Variants in UCHL5 observed in about 807,000 individuals in gnomAD.
UCHL5 encodes ubiquitin C-terminal hydrolase L5, also known as ubiquitin carboxyl-terminal hydrolase isozyme L5.
Under a neutral mutation model 53.8 loss-of-function variants are expected in UCHL5, and 34 were observed. The ratio of observed to expected loss-of-function variants is 0.63; its 90% confidence interval spans 0.48 to 0.84. The LOEUF (loss-of-function observed/expected upper bound fraction) is 0.84, where lower values mean the gene tolerates loss of function less well. Ranked by LOEUF, UCHL5 falls within the 40% of genes least tolerant of loss-of-function variation. The pLI is 0.00. For missense variants in UCHL5, 290 were observed against 385.6 expected, an observed-to-expected ratio of 0.75 and a Z score of 2.08; for synonymous variants, 111 against 126.3, an observed-to-expected ratio of 0.88 and a Z score of 0.81.
chr1:193,056,750 A>G (rs1670740133), intron 1 of UCHL5, among the ~76,000 whole-genome samples: 2 of 152,242 alleles, frequency 1.3e-5, no homozygotes, highest in Admixed American at 6.5e-5. Flanking sequence ...CATTTTTGAA[A>G]GAATCAACAG....
chr1:193,027,846 G>T (rs772310813), intron 7 of UCHL5: 1 of 1,356,624 alleles, frequency 7.4e-7, no homozygotes, highest in Admixed American at 2.2e-5. Flanking sequence ...TGTTTGGCTG[G>T]GCACAGTGGC....
chr1:193,019,769 C>A (rs1656226890), intron 10 of UCHL5: 2 of 716,194 alleles, frequency 2.8e-6, no homozygotes, highest in Non-Finnish European at 3.4e-6. Flanking sequence ...AACAGTGGTT[C>A]TTTTACTTAC....
At chr1:193,042,982 T>C (rs576866446) in intron 3 of UCHL5, among the ~76,000 whole-genome samples, 1 of 151,924 alleles carries the variant, frequency 6.6e-6, no homozygotes, top group South Asian at 2.1e-4. Context: ...GCAAATTCTA[T>C]AAAAGGGAAA....
intron 3 of UCHL5, among the ~76,000 whole-genome samples, chr1:193,040,877 A>C (rs1013990522): frequency 8.5e-5 from 13 of 152,218 alleles, no homozygotes; most frequent in Non-Finnish European, 1.8e-4. Context: ...GTTAAATGAA[A>C]TAAGCCAAGC....
chr1:193,057,269 A>AT lies in UCHL5; in HGVS notation c.76+1915dup, dbSNP rs926358180. 6.8e-4 allele frequency: 106 copies of AT among 155,252 alleles called. 1 individual carries two copies. The highest frequency in any genetic ancestry group is 4.1e-3 in the South Asian group (21 of 5,176). 9.6% of individuals were successfully genotyped at this position (155,252 alleles called of 1,614,324 possible). A position where few individuals can be genotyped will look rare whatever the true frequency, so the allele number is the denominator to read the frequency against. Reference sequence around the variant, plus strand: ...CAACTTTTAGTAAGCAGTCCTTTTGATTTTTTTTCTCTTATGTAGGAGTAA... The same window carrying AT: ...CAACTTTTAGTAAGCAGTCCTTTTGATTTTTTTTTCTCTTATGTAGGAGTAA... On this transcript the variant is annotated intron_variant, in intron 1 of 10. Coordinates refer to ENST00000367454, the MANE Select transcript of UCHL5 (RefSeq NM_001199261.3).
intron 6 of UCHL5, among the ~76,000 whole-genome samples, chr1:193,028,567 TAAG>T (rs1311151401): frequency 6.6e-6 from 1 of 152,076 alleles, no homozygotes; most frequent in Non-Finnish European, 1.5e-5. Context: ...GAAGTCAAAA[TAAG>T]GAGTTAAAAT....
chr1:193,016,527 TTA>T (rs1654949863), intron 10 of UCHL5, 132 bp from the exon 11 acceptor site: 3 of 747,640 alleles, frequency 4.0e-6, no homozygotes, highest in South Asian at 4.7e-5. Flanking sequence ...TTCTAAAGCA[TTA>T]TGTTTTATAA....
At position 193,034,695 on chromosome 1, in the gene UCHL5, C is replaced by G. The variant is rs187159530; in HGVS notation, c.247-5038G>C. 3.4e-4 allele frequency among the ~76,000 whole-genome samples: 51 copies of G among 152,016 alleles called. 1 individual carries two copies. In the East Asian group the frequency reaches 8.1e-3, roughly 24 times the overall value. ...AAAAATTTAAATGCAAAAACCTAAA[C>G]AAAATACTACTATATTTAACCCAAT... On this transcript the variant is annotated intron_variant, in intron 3 of 10. Coordinates refer to ENST00000367454, the MANE Select transcript of UCHL5 (RefSeq NM_001199261.3).
intron 3 of UCHL5, 86 bp from the exon 4 acceptor site, chr1:193,029,743 A>T: frequency 9.7e-7 from 1 of 1,033,336 alleles, no homozygotes; most frequent in Non-Finnish European, 1.4e-6. Context: ...CAAAACATGA[A>T]CAGTTTTCAA....
At chr1:193,022,777 C>A in intron 9 of UCHL5, 149 bp downstream of exon 9, 1 of 373,650 alleles carries the variant, frequency 2.7e-6, no homozygotes. Flanking sequence ...CATCTCACTA[C>A]TTATCTTTGT....
intron 3 of UCHL5, among the ~76,000 whole-genome samples, chr1:193,047,398 A>G (rs1667685556): frequency 6.6e-6 from 1 of 152,160 alleles, no homozygotes; most frequent in Non-Finnish European, 1.5e-5. Context: ...AACAAATGAT[A>G]CATTTTTAAC....
intron 3 of UCHL5, among the ~76,000 whole-genome samples, chr1:193,041,786 A>G (rs1431872550): frequency 5.9e-5 from 9 of 152,294 alleles, no homozygotes; most frequent in Middle Eastern, 3.4e-3. Context: ...TAAATGAACT[A>G]TCATAATAAA....
At chr1:193,056,491 G>T (rs945283418) in intron 1 of UCHL5, among the ~76,000 whole-genome samples, 18 of 152,018 alleles carry the variant, frequency 1.2e-4, no homozygotes, top group Admixed American at 1.2e-3. Flanking sequence ...CTCTATCTTG[G>T]CTGTAACCAA....
chr1:193,059,767 CCAGGTA>C (rs1175655327), upstream of UCHL5: 9 of 1,356,144 alleles, frequency 6.6e-6, no homozygotes, highest in Non-Finnish European at 8.8e-6. The surrounding 1 kb of genome is among the most constrained non-coding windows in gnomAD (Gnocchi z 4.9). Context: ...GGGTCGGCTG[CCAGGTA>C]CAGGTGAGGA....
At chr1:193,044,666 T>C (rs1390293044) in intron 3 of UCHL5, among the ~76,000 whole-genome samples, 1 of 152,182 alleles carries the variant, frequency 6.6e-6, no homozygotes, top group Non-Finnish European at 1.5e-5. Flanking sequence ...TGTATAACCT[T>C]ATCAAATAAA....
At chr1:193,017,393 CAG>C (rs1655231709) in intron 10 of UCHL5, among the ~76,000 whole-genome samples, 1 of 151,578 alleles carries the variant, frequency 6.6e-6, no homozygotes, top group Non-Finnish European at 1.5e-5. Context: ...TATTATTTAA[CAG>C]TATGATAAAA....
chr1:193,051,892 T>A (rs12123970), intron 1 of UCHL5, 75 bp from the exon 2 acceptor site: 41,041 of 1,086,966 alleles, frequency 0.038, 968 homozygotes, highest in Non-Finnish European at 0.045. Context: ...AAATATTAAC[T>A]AAAGGAAATG....
intron 1 of UCHL5, among the ~76,000 whole-genome samples, chr1:193,052,172 T>A (rs1222168121): frequency 2.0e-5 from 3 of 151,946 alleles, no homozygotes; most frequent in Admixed American, 1.3e-4. Context: ...TACTCTATAC[T>A]TTTTTTTCTG....
At chr1:193,049,675 A>C in intron 3 of UCHL5, 71 bp downstream of exon 3, 1 of 1,215,236 alleles carries the variant, frequency 8.2e-7, no homozygotes, top group East Asian at 2.4e-5. Context: ...AGTAGCAAAC[A>C]GTAGTAAACT....
Sources: allele counts gnomAD v4.1 joint callset (sites outside exome capture counted in the v4.1 genomes callset), GRCh38; gene constraint gnomAD v4.1.1; non-coding constraint Gnocchi (gnomAD v3.1); transcripts MANE v1.5; gene names NCBI Gene and HGNC (gene_info 2026-07-23, HGNC 2026-07-21).